Variants in TRIM2 observed in about 807,000 individuals in gnomAD.
The protein encoded by TRIM2 is tripartite motif-containing protein 2.
TRIM2 carries 20 observed loss-of-function variants against 75.2 expected under a neutral mutation model. The ratio of observed to expected loss-of-function variants is 0.27; its 90% CI spans 0.19 to 0.39. The LOEUF is 0.39. Ranked by LOEUF, TRIM2 falls within the 10% of genes least tolerant of loss-of-function variation. TRIM2 has a pLI of 1.00. For missense variants in TRIM2, 660 were observed against 990.8 expected (o/e 0.67, Z 4.48); for synonymous variants, 373 against 388.3 (o/e 0.96, Z 0.46).
intron 6 of TRIM2, chr4:153,307,924 T>C: frequency 1.3e-6 from 1 of 753,908 alleles, no homozygotes; most frequent in Non-Finnish European, 2.5e-6. Context: ...TGAGTCCCCA[T>C]GCCCATTATG....
At chr4:153,170,462 G>T (rs536884301) in intron 1 of TRIM2, among the ~76,000 whole-genome samples, 1 of 152,272 alleles carries the variant, frequency 6.6e-6, no homozygotes, top group South Asian at 2.1e-4. Flanking sequence ...TGGTATTGGG[G>T]GTGGCGGCAG....
chr4:153,281,966 C>T (rs559216304), intron 3 of TRIM2, among the ~76,000 whole-genome samples: 43 of 152,346 alleles, frequency 2.8e-4, no homozygotes, highest in African/African-American at 9.1e-4. Context: ...GTTTCCACTT[C>T]CATATCAGGA....
intron 1 of TRIM2, chr4:153,156,827 A>G (rs1271857543): frequency 3.3e-5 from 5 of 152,220 alleles, no homozygotes; most frequent in East Asian, 1.9e-4. Flanking sequence ...CAACAAATCC[A>G]GGCGGACTAG....
intron 1 of TRIM2, chr4:153,222,459 C>G (rs1740862994): frequency 6.6e-6 from 1 of 152,288 alleles, no homozygotes; most frequent in African/African-American, 2.4e-5. Flanking sequence ...TGGAGGCTGG[C>G]TGCAGGAGCC....
intron 1 of TRIM2, among the ~76,000 whole-genome samples, chr4:153,216,488 G>T (rs2149731590): frequency 6.6e-6 from 1 of 152,206 alleles, no homozygotes; most frequent in Non-Finnish European, 1.5e-5. Context: ...TCCTGCAGAG[G>T]GTTTAAAGGG....
chr4:153,303,762 C>T (rs1400288443), intron 6 of TRIM2, among the ~76,000 whole-genome samples: 1 of 152,170 alleles, frequency 6.6e-6, no homozygotes, highest in African/African-American at 2.4e-5. Context: ...TACAACAACC[C>T]TAAATACATG....
At chr4:153,193,407 A>G (rs1021360776) in intron 1 of TRIM2, among the ~76,000 whole-genome samples, 2 of 152,208 alleles carry the variant, frequency 1.3e-5, no homozygotes, top group East Asian at 3.8e-4. Context: ...CTGGGATTAC[A>G]GGCATGAGCC....
chr4:153,233,418 TACTTACAGTCAAATTC>T (rs531772151), intron 1 of TRIM2, among the ~76,000 whole-genome samples: 158 of 152,336 alleles, frequency 1.0e-3, no homozygotes, highest in African/African-American at 3.6e-3. Flanking sequence ...TTGATTACTT[TACTTACAGTCAAATTC>T]ACCTTTTCTG....
At chr4:153,233,757 T>G (rs1314662427) in intron 1 of TRIM2, among the ~76,000 whole-genome samples, 1 of 152,182 alleles carries the variant, frequency 6.6e-6, no homozygotes, top group Non-Finnish European at 1.5e-5. Context: ...GAAGGAAGGA[T>G]GGATGCATAC....
intron 1 of TRIM2, among the ~76,000 whole-genome samples, chr4:153,258,861 T>C (rs753045915): frequency 1.3e-5 from 2 of 152,210 alleles, no homozygotes; most frequent in Non-Finnish European, 2.9e-5. Flanking sequence ...TCTGGTGTCT[T>C]TCATTATTTC....
rs765087463 is a variant in TRIM2, at chr4:153,275,980, G to A, written c.303G>A (p.Val101=). 2 of 1,614,188 alleles carry A rather than the reference G, an allele frequency of 1.2e-6. No homozygotes were observed. Among genetic ancestry groups the A allele is most frequent in the South Asian group, 1.1e-5 (1 of 91,080 alleles). The change falls in exon 3 of 12, where the codon GTG becomes GTA. Residue 101 remains valine (V), a synonymous_variant. Coordinates refer to ENST00000338700, the MANE Select transcript of TRIM2 (RefSeq NM_015271.5). ...CCTCCATCCTGCCCGAGAAAGGGGT[G>A]GCCGCGCTCCAGAACAATTTCTTCA... The part of the protein sequence containing the change: ...RQTSILPEKG[V]AALQNNFFIT...
rs1037699208 is a variant in TRIM2 at position 153,239,421 on chromosome 4, C to G, written c.31-30914C>G. Among the ~76,000 whole-genome samples the G allele has an allele frequency of 8.5e-4, 94 of 110,544 alleles. 2 individuals carry two copies. Among genetic ancestry groups the G allele is most frequent in the Non-Finnish European group, 1.9e-4 (11 of 59,198 alleles). 72.5% of individuals were successfully genotyped at this position (110,544 alleles called of 152,430 possible). ...GAGATTTTATCATAAAGATAGTGCT[C>G]TCTCTCTCTCTCTCTCTCTCTGCCT... On this transcript the variant is annotated intron_variant, in intron 1 of 11. Transcript: ENST00000338700.
intron 6 of TRIM2, among the ~76,000 whole-genome samples, chr4:153,301,148 G>A (rs985572379): frequency 9.3e-5 from 14 of 150,876 alleles, no homozygotes; most frequent in African/African-American, 2.4e-4. Context: ...CCAAGATCGC[G>A]CCACTACATT....
intron 1 of TRIM2, among the ~76,000 whole-genome samples, chr4:153,214,882 G>A (rs77979392): frequency 1.3e-5 from 2 of 152,170 alleles, no homozygotes; most frequent in Non-Finnish European, 2.9e-5. Flanking sequence ...AATTGCTGTA[G>A]TAGGTTCTTT....
chr4:153,304,259 G>A (rs745784196), intron 6 of TRIM2, among the ~76,000 whole-genome samples: 4 of 151,956 alleles, frequency 2.6e-5, no homozygotes, highest in African/African-American at 7.3e-5. Context: ...GGCTACAGGC[G>A]TGCACCACCA....
chr4:153,240,156 G>GT (rs1162446544), intron 1 of TRIM2, among the ~76,000 whole-genome samples: 1 of 152,082 alleles, frequency 6.6e-6, no homozygotes, highest in African/African-American at 2.4e-5. Flanking sequence ...TTCTGCAGCA[G>GT]TAAGTAGGAT....
intron 8 of TRIM2, among the ~76,000 whole-genome samples, chr4:153,322,135 C>T (rs1018526410): frequency 3.3e-5 from 5 of 151,474 alleles, no homozygotes; most frequent in African/African-American, 1.2e-4. Context: ...AAGGGCTGGG[C>T]ACGAGGGCTC....
Position 153,218,438 on chromosome 4 carries a change from G to C in TRIM2, c.30+13878G>C, listed in dbSNP as rs1167163341. On this transcript the variant is annotated intron_variant, in intron 1 of 11. Transcript: ENST00000338700. ...TTGCCCAGGGTGGCCTCCCATTCTT[G>C]AGCTCAAGTGATCCTCCCACCTTGG... Among the ~76,000 whole-genome samples the C allele has an allele frequency of 2.0e-5, 3 of 152,118 alleles. No homozygotes were observed. In the East Asian group the frequency reaches 5.8e-4, roughly 29 times the overall value.
intron 1 of TRIM2, among the ~76,000 whole-genome samples, chr4:153,184,690 A>T (rs532215767): frequency 3.0e-4 from 45 of 152,318 alleles, no homozygotes; most frequent in Non-Finnish European, 1.6e-4. Context: ...CCTTAAAGTG[A>T]TATTCCACTG....
Sources: allele counts gnomAD v4.1 joint callset (sites outside exome capture counted in the v4.1 genomes callset), GRCh38; gene constraint gnomAD v4.1.1; transcripts MANE v1.5; gene names NCBI Gene and HGNC (gene_info 2026-07-23, HGNC 2026-07-21).